DTNB: variants seen among roughly 807,000 people sequenced by gnomAD.
The protein encoded by DTNB is dystrobrevin beta, also known as DTN-B.
In DTNB, 63 loss-of-function variants were observed where a neutral mutation model predicts 90.7. The observed-to-expected ratio is 0.69, with a 90% CI of 0.57 to 0.86. The LOEUF (loss-of-function observed/expected upper bound fraction) is 0.86. DTNB is among the 40% of genes least tolerant of loss of function. The pLI is 0.00. For missense variants in DTNB, 744 were observed against 807.1 expected (o/e 0.92, Z 0.95); for synonymous variants, 277 against 286.7 (o/e 0.97, Z 0.34).
chr2:25,483,933 T>C (rs1010044415), intron 9 of DTNB, among the ~76,000 whole-genome samples: 1 of 152,250 alleles, frequency 6.6e-6, no homozygotes, highest in Non-Finnish European at 1.5e-5. Context: ...TATGTTTAGA[T>C]ACATAAATAC....
intron 8 of DTNB, chr2:25,558,417 C>CA (rs1234538529): frequency 1.0e-5 from 10 of 984,180 alleles, no homozygotes; most frequent in South Asian, 9.4e-5. Flanking sequence ...TCTGCAAGAA[C>CA]AAAAAAAAGA....
chr2:25,494,416 A>G (rs2068301782), intron 9 of DTNB, among the ~76,000 whole-genome samples: 1 of 135,868 alleles, frequency 7.4e-6, no homozygotes, highest in African/African-American at 2.7e-5. Context: ...CACTGCCCCA[A>G]TTCAGGACTA....
chr2:25,622,589 ACCTGATCCCCTTTTCTT>A (rs1217760945), intron 4 of DTNB, among the ~76,000 whole-genome samples: 1 of 152,146 alleles, frequency 6.6e-6, no homozygotes, highest in Non-Finnish European at 1.5e-5. Flanking sequence ...CGTGGGAAGA[ACCTGATCCCCTTTTCTT>A]CCCACCTCCA....
chr2:25,414,070 A>C (rs1250344830), intron 16 of DTNB, among the ~76,000 whole-genome samples: 2 of 152,152 alleles, frequency 1.3e-5, no homozygotes, highest in African/African-American at 2.4e-5. Context: ...TGGCTGCATA[A>C]ATGTCTTCTT....
chr2:25,621,287 T>C (rs984599771), intron 4 of DTNB, among the ~76,000 whole-genome samples: 1 of 152,234 alleles, frequency 6.6e-6, no homozygotes. Flanking sequence ...CATAACATGC[T>C]AGGCTGGGCA....
intron 12 of DTNB, among the ~76,000 whole-genome samples, chr2:25,446,293 G>A (rs969730446): frequency 3.9e-5 from 6 of 152,158 alleles, no homozygotes; most frequent in African/African-American, 1.4e-4. Flanking sequence ...CTGGAGTGTA[G>A]TGGCATGATC....
At chr2:25,617,581 T>TTAAA (rs1425994166) in intron 4 of DTNB, among the ~76,000 whole-genome samples, 3 of 152,200 alleles carry the variant, frequency 2.0e-5, no homozygotes, top group Non-Finnish European at 2.9e-5. Context: ...AATTGTATAT[T>TTAAA]TAAATACAGT....
intron 2 of DTNB, among the ~76,000 whole-genome samples, chr2:25,647,412 A>C (rs549110676): frequency 6.6e-6 from 1 of 152,370 alleles, no homozygotes; most frequent in East Asian, 1.9e-4. Flanking sequence ...GCTTGATCTA[A>C]ATAATGCATA....
chr2:25,445,744 G>A (rs907258413), intron 12 of DTNB, among the ~76,000 whole-genome samples: 1 of 151,962 alleles, frequency 6.6e-6, no homozygotes. Context: ...GTTAATGCTT[G>A]GACACTCTGT....
intron 1 of DTNB, among the ~76,000 whole-genome samples, chr2:25,667,322 C>T (rs1168581314): frequency 6.6e-6 from 1 of 151,908 alleles, no homozygotes; most frequent in African/African-American, 2.4e-5. Flanking sequence ...AACCCTGTCT[C>T]TACTAAAAAT....
intron 8 of DTNB, among the ~76,000 whole-genome samples, chr2:25,559,117 T>C (rs1376299678): frequency 6.6e-6 from 1 of 152,192 alleles, no homozygotes. Context: ...TATCAGGTTA[T>C]ACTTTTTAAA....
chr2:25,378,681 T>C (rs2036606985), intron 20 of DTNB, among the ~76,000 whole-genome samples: 1 of 152,192 alleles, frequency 6.6e-6, no homozygotes, highest in Non-Finnish European at 1.5e-5. Context: ...AAAATGGGAA[T>C]GACTAATTCC....
chr2:25,623,398 G>T (rs2073290618), intron 4 of DTNB, among the ~76,000 whole-genome samples: 1 of 152,182 alleles, frequency 6.6e-6, no homozygotes, highest in African/African-American at 2.4e-5. Flanking sequence ...TGGTACTGGG[G>T]ACAAGGAGAA....
intron 10 of DTNB, among the ~76,000 whole-genome samples, chr2:25,473,833 G>T (rs1433724359): frequency 6.6e-6 from 1 of 152,106 alleles, no homozygotes; most frequent in Non-Finnish European, 1.5e-5. Context: ...TACAAAGCTT[G>T]TCTTCACTCC....
At chr2:25,601,036 T>A (rs1383451960) in intron 5 of DTNB, among the ~76,000 whole-genome samples, 2 of 152,096 alleles carry the variant, frequency 1.3e-5, no homozygotes, top group African/African-American at 4.8e-5. Context: ...TTTAAAACAA[T>A]TTTTTTGTGA....
intron 1 of DTNB, among the ~76,000 whole-genome samples, chr2:25,660,824 T>C (rs771142647): frequency 5.9e-5 from 9 of 152,240 alleles, no homozygotes; most frequent in Non-Finnish European, 1.0e-4. Flanking sequence ...TGTCTCTTGC[T>C]GCACAAGGTC....
chr2:25,441,197 G>A (rs924925633), intron 12 of DTNB, among the ~76,000 whole-genome samples: 6 of 152,138 alleles, frequency 3.9e-5, no homozygotes, highest in Non-Finnish European at 7.3e-5. Flanking sequence ...AACATCCTAA[G>A]GCAATCTGTA....
At chr2:25,406,837 C>A (rs1452355447) in intron 16 of DTNB, among the ~76,000 whole-genome samples, 1 of 151,968 alleles carries the variant, frequency 6.6e-6, no homozygotes, top group Non-Finnish European at 1.5e-5. Flanking sequence ...TCAAAGGGCC[C>A]AAGAATAGAC....
At position 25,388,249 on chromosome 2, in the gene DTNB, T is replaced by C; in HGVS notation, c.1688A>G (p.Asp563Gly). The C allele has an allele frequency of 1.9e-6, 3 of 1,605,438 alleles. No individual in the cohort carries two copies. Among genetic ancestry groups the C allele is most frequent in the Non-Finnish European group, 2.5e-6 (3 of 1,176,544 alleles). The change falls in exon 17 of 21, where the codon GAC becomes GGC. Residue 563 changes from aspartate to glycine, a missense_variant. By Grantham distance (94) the Asp-to-Gly change is moderately conservative. Coordinates refer to ENST00000406818, the MANE Select transcript of DTNB (RefSeq NM_021907.5). Reference sequence around the variant, plus strand: ...GTCTCCCCCGACTCCGCTCAGCGAGTCCTGCGGACAGTGGGTGGGGGTGGA... The same window carrying C: ...GTCTCCCCCGACTCCGCTCAGCGAGCCCTGCGGACAGTGGGTGGGGGTGGA... ...AGSTPTHCPQ[D>G]SLSGVGGDVQ...
Sources: gnomAD v4.1 joint callset for allele counts (sites outside exome capture counted in the v4.1 genomes callset) on GRCh38, gnomAD v4.1.1 for gene constraint, MANE v1.5 for transcripts, NCBI Gene and HGNC (gene_info 2026-07-23, HGNC 2026-07-21) for gene names.